The following ANO1 variants were observed in gnomAD, a reference collection of about 807,000 sequenced individuals.
ANO1 encodes the protein anoctamin-1.
In ANO1, 59 loss-of-function variants were observed where a neutral mutation model predicts 124.0. The observed-to-expected ratio is 0.48, with a 90% CI of 0.39 to 0.59. The LOEUF (loss-of-function observed/expected upper bound fraction) is 0.59, where lower values mean the gene tolerates loss of function less well. ANO1 is among the 20% of genes least tolerant of loss of function. ANO1 has a pLI of 0.00. For synonymous variants in ANO1, 529 were observed against 532.0 expected (o/e 0.99, Z 0.08); for missense variants, 1,059 against 1,328.0 (o/e 0.80, Z 3.15).
chr11:70,126,114 C>A lies in ANO1; in HGVS notation c.1016C>A (p.Thr339Asn). ...GLYFAWLGVY[T>N]QMLIPASIVG... is the part of the protein sequence containing the mutation. ...TACTTCGCCTGGCTGGGCGTGTACA[C>A]CCAGATGCTCATCCCTGCCTCCATC... The change falls in exon 10 of 26, where the codon ACC (threonine) becomes AAC (asparagine). Residue 339 changes from threonine (T) to asparagine (N), a missense_variant. By Grantham distance (65) the Thr-to-Asn change is moderately conservative. This residue lies in a region of ANO1 where 809 missense variants were observed against 1,094.9 expected (regional missense o/e 0.74). Coordinates refer to ENST00000355303, the MANE Select transcript of ANO1 (RefSeq NM_018043.7). The A allele has an allele frequency of 2.5e-6, 4 of 1,613,696 alleles. No homozygotes were observed. Among genetic ancestry groups the A allele is most frequent in the Non-Finnish European group, 3.4e-6 (4 of 1,179,752 alleles).
chr11:70,183,234 A>G (rs2048996068), intron 24 of ANO1, among the ~76,000 whole-genome samples: 1 of 152,112 alleles, frequency 6.6e-6, no homozygotes, highest in African/African-American at 2.4e-5. Context: ...ATCAGGCTCC[A>G]CTCTGGCACT....
At chr11:69,997,518 C>T (rs2120340652) in intron 1 of ANO1, among the ~76,000 whole-genome samples, 1 of 152,270 alleles carries the variant, frequency 6.6e-6, no homozygotes, top group Non-Finnish European at 1.5e-5. Flanking sequence ...TCAGGAAAAG[C>T]TCTCCCCCAG....
At chr11:70,142,293 C>T (rs1219842924) in intron 11 of ANO1, among the ~76,000 whole-genome samples, 1 of 152,152 alleles carries the variant, frequency 6.6e-6, no homozygotes, top group African/African-American at 2.4e-5. Flanking sequence ...GAACTGGAAC[C>T]CCTCCCAGGG....
At chr11:70,059,466 C>A (rs1857521473) in intron 1 of ANO1, among the ~76,000 whole-genome samples, 1 of 151,710 alleles carries the variant, frequency 6.6e-6, no homozygotes, top group South Asian at 2.1e-4. Flanking sequence ...CTTTTTGGAG[C>A]TAGTGGGAAA....
At chr11:70,010,160 T>TGTGTGTGA (rs1555000795) in intron 1 of ANO1, among the ~76,000 whole-genome samples, 1 of 62,518 alleles carries the variant, frequency 1.6e-5, no homozygotes, top group Non-Finnish European at 3.4e-5. Flanking sequence ...TGTGTGTGTG[T>TGTGTGTGA]GTGTGCGCGT....
intron 22 of ANO1, among the ~76,000 whole-genome samples, chr11:70,174,575 A>C (rs2048613143): frequency 6.6e-6 from 1 of 152,118 alleles, no homozygotes; most frequent in Non-Finnish European, 1.5e-5. Flanking sequence ...GCTGCCTCCA[A>C]CATGAACTTT....
chr11:70,110,753 A>G (rs1269541489), intron 6 of ANO1, among the ~76,000 whole-genome samples: 1 of 152,200 alleles, frequency 6.6e-6, no homozygotes, highest in Non-Finnish European at 1.5e-5. Context: ...AGGGGGTTCC[A>G]TGAGCAGCAA....
chr11:70,184,479 A>G (rs1039814335), intron 24 of ANO1, among the ~76,000 whole-genome samples: 2 of 152,084 alleles, frequency 1.3e-5, no homozygotes, highest in Non-Finnish European at 2.9e-5. Flanking sequence ...CTCTCCAAGC[A>G]GGAGATCAGT....
At chr11:70,061,209 A>G (rs577391912) in intron 1 of ANO1, among the ~76,000 whole-genome samples, 4 of 152,130 alleles carry the variant, frequency 2.6e-5, no homozygotes, top group African/African-American at 9.6e-5. Context: ...CCCTTTGAGT[A>G]GAGATGTTGA....
At chr11:70,054,429 G>A (rs1857402292) in intron 1 of ANO1, among the ~76,000 whole-genome samples, 1 of 152,246 alleles carries the variant, frequency 6.6e-6, no homozygotes, top group African/African-American at 2.4e-5. Context: ...GACGGTGCCA[G>A]GGTAGTGAAA....
At chr11:70,017,605 C>T (rs1278671760) in intron 1 of ANO1, among the ~76,000 whole-genome samples, 3 of 151,280 alleles carry the variant, frequency 2.0e-5, no homozygotes, top group African/African-American at 7.3e-5. Context: ...AGCCTTGACT[C>T]CCAAGCTCAA....
intron 10 of ANO1, among the ~76,000 whole-genome samples, chr11:70,131,303 ATGTGTGTGTG>A (rs58686061): frequency 4.1e-4 from 61 of 149,128 alleles, no homozygotes; most frequent in South Asian, 1.3e-3. Flanking sequence ...TCAAAAATCA[ATGTGTGTGTG>A]TGTGTGTGTG....
At chr11:69,993,073 C>A (rs1214716821) in intron 1 of ANO1, among the ~76,000 whole-genome samples, 6 of 152,158 alleles carry the variant, frequency 3.9e-5, no homozygotes, top group Non-Finnish European at 8.8e-5. Context: ...CGTCTGGGCT[C>A]TGGGTCCCCA....
At chr11:69,976,351 C>A in the ANO1 span, among the ~76,000 whole-genome samples, 9 of 151,784 alleles carry the variant, frequency 5.9e-5, no homozygotes, top group South Asian at 1.9e-3. Context: ...ACTAAAAATA[C>A]AAAAAATTAG....
intron 1 of ANO1, among the ~76,000 whole-genome samples, chr11:70,034,714 G>A (rs1857064380): frequency 6.6e-6 from 1 of 152,132 alleles, no homozygotes; most frequent in African/African-American, 2.4e-5. Flanking sequence ...AGGATGAGCA[G>A]AGAGCTAAGG....
At chr11:69,975,433 G>C in the ANO1 span, among the ~76,000 whole-genome samples, 1 of 152,244 alleles carries the variant, frequency 6.6e-6, no homozygotes, top group Non-Finnish European at 1.5e-5. Flanking sequence ...GGCTCTCACT[G>C]TCTTTGAAGC....
chr11:70,091,038 G>A (rs2044606569), intron 2 of ANO1, among the ~76,000 whole-genome samples: 1 of 152,234 alleles, frequency 6.6e-6, no homozygotes, highest in African/African-American at 2.4e-5. Flanking sequence ...GGTTTGGGCG[G>A]CCTGTTCTCC....
At chr11:69,978,692 A>G in the ANO1 span, among the ~76,000 whole-genome samples, 1 of 152,114 alleles carries the variant, frequency 6.6e-6, no homozygotes, top group Admixed American at 6.5e-5. Flanking sequence ...ACTAATCTCC[A>G]TGTGAGGTGT....
At chr11:70,106,965 G>T (rs146090927) in intron 5 of ANO1, among the ~76,000 whole-genome samples, 24 of 152,350 alleles carry the variant, frequency 1.6e-4, no homozygotes, top group South Asian at 1.0e-3. Flanking sequence ...GAGCTAGGTT[G>T]AGGATGTGGT....
Sources: gnomAD v4.1 joint callset for allele counts (sites outside exome capture counted in the v4.1 genomes callset) on GRCh38, gnomAD v4.1.1 for gene constraint, gnomAD v4.1.1 regional missense constraint, MANE v1.5 for transcripts, NCBI Gene and HGNC (gene_info 2026-07-23, HGNC 2026-07-21) for gene names.